Variants in FOXN3 observed in about 807,000 individuals in gnomAD.
The protein encoded by FOXN3 is forkhead box protein N3.
FOXN3 carries 7 observed loss-of-function variants against 38.4 expected under a neutral mutation model. The observed-to-expected ratio is 0.18, with a 90% CI of 0.10 to 0.34. The LOEUF is 0.34. Among genes scored for constraint, FOXN3 ranks in the 10% least tolerant of loss-of-function variants. The pLI is 1.00. For synonymous variants in FOXN3, 230 were observed against 242.2 expected, an observed-to-expected ratio of 0.95 and a Z score of 0.47; for missense variants, 456 against 613.4, an observed-to-expected ratio of 0.74 and a Z score of 2.71.
chr14:89,587,939 A>G (rs1439380090), intron 1 of FOXN3, among the ~76,000 whole-genome samples: 2 of 150,778 alleles, frequency 1.3e-5, no homozygotes, highest in Non-Finnish European at 3.0e-5. Flanking sequence ...CAATGGGCAT[A>G]TGGGGGCTTT....
intron 3 of FOXN3, among the ~76,000 whole-genome samples, chr14:89,317,715 T>C (rs1455868327): frequency 6.6e-6 from 1 of 151,720 alleles, no homozygotes; most frequent in Non-Finnish European, 1.5e-5. Flanking sequence ...TCCCCCCCCA[T>C]AGAAATCCCT....
chr14:89,459,535 G>A (rs1390616734), intron 1 of FOXN3, among the ~76,000 whole-genome samples: 1 of 152,150 alleles, frequency 6.6e-6, no homozygotes, highest in African/African-American at 2.4e-5. Context: ...GACTGGAGCC[G>A]AGATTAGAAT....
At chr14:89,210,163 G>A (rs997064124) in intron 4 of FOXN3, among the ~76,000 whole-genome samples, 1 of 152,196 alleles carries the variant, frequency 6.6e-6, no homozygotes, top group African/African-American at 2.4e-5. Context: ...GTTGGAGGTG[G>A]GGCCTGGCAA....
chr14:89,276,571 C>T (rs977440954), intron 4 of FOXN3, among the ~76,000 whole-genome samples: 1 of 152,028 alleles, frequency 6.6e-6, no homozygotes, highest in Non-Finnish European at 1.5e-5. Context: ...GGCTAGGACT[C>T]GTGGTCTGAC....
In FOXN3 at chr14:89,163,070, C is replaced by T. The variant is rs1198236281; in HGVS notation, c.852-101G>A. 2.6e-6 allele frequency: 3 copies of T among 1,155,246 alleles called. No homozygotes were observed. The highest frequency in any genetic ancestry group is 3.5e-6 in the Non-Finnish European group (3 of 848,868). 71.6% of individuals were successfully genotyped at this position (1,155,246 alleles called of 1,614,324 possible). On this transcript the variant is annotated intron_variant, in intron 5 of 5. Coordinates refer to ENST00000557258, the MANE Select transcript of FOXN3 (RefSeq NM_005197.4). The surrounding 1 kb of genome is among the most constrained non-coding windows in gnomAD (Gnocchi z 4.3). Reference sequence around the variant, plus strand: ...CGGCAGCCCGCCTGCATTCAACCATCAGTCCCTTTGTGTTCAATGGAGCCA... The same window carrying T: ...CGGCAGCCCGCCTGCATTCAACCATTAGTCCCTTTGTGTTCAATGGAGCCA...
intron 1 of FOXN3, among the ~76,000 whole-genome samples, chr14:89,539,437 CCT>C (rs1407490584): frequency 5.3e-5 from 8 of 152,098 alleles, no homozygotes; most frequent in East Asian, 1.9e-4. Context: ...AAAACACTCC[CCT>C]GTTTTTATTT....
intron 1 of FOXN3, among the ~76,000 whole-genome samples, chr14:89,544,506 C>CAA (rs1894848848): frequency 2.0e-5 from 3 of 152,106 alleles, no homozygotes; most frequent in Admixed American, 6.5e-5. Flanking sequence ...ATCAACAAAC[C>CAA]CTTACTAAGG....
intron 4 of FOXN3, among the ~76,000 whole-genome samples, chr14:89,231,963 G>A (rs1307656510): frequency 2.6e-5 from 4 of 152,226 alleles, no homozygotes; most frequent in Non-Finnish European, 5.9e-5. Context: ...AATGGTGCCA[G>A]CAGCCACTGC....
intron 1 of FOXN3, among the ~76,000 whole-genome samples, chr14:89,465,088 G>A (rs777491366): frequency 1.4e-4 from 21 of 152,152 alleles, no homozygotes; most frequent in South Asian, 4.1e-4. Context: ...CCTTGCAGCC[G>A]CCACGTGAAG....
In FOXN3 at chr14:89,168,470, T is replaced by A. The variant is rs73319299; in HGVS notation, c.852-5501A>T. Reference sequence around the variant, plus strand: ...ACATAGCAAGACCCTGCCTCAAAAATAAATTAATTAATCTACACTGAAGGT... The same window carrying A: ...ACATAGCAAGACCCTGCCTCAAAAAAAAATTAATTAATCTACACTGAAGGT... On this transcript the variant is annotated intron_variant, in intron 5 of 5. Coordinates refer to ENST00000557258, the MANE Select transcript of FOXN3 (RefSeq NM_005197.4). Among the ~76,000 whole-genome samples, 678 of 151,880 alleles carry A rather than the reference T, an allele frequency of 4.5e-3. 5 individuals are homozygous for A. The highest frequency in any genetic ancestry group is 0.016 in the African/African-American group (648 of 41,392).
intron 1 of FOXN3, among the ~76,000 whole-genome samples, chr14:89,549,169 C>T (rs2139860279): frequency 6.7e-6 from 1 of 149,762 alleles, no homozygotes; most frequent in African/African-American, 2.5e-5. Context: ...TTTTTAAATG[C>T]TCTTTATTCT....
At chr14:89,551,308 G>C (rs1895001247) in intron 1 of FOXN3, among the ~76,000 whole-genome samples, 2 of 152,186 alleles carry the variant, frequency 1.3e-5, no homozygotes, top group African/African-American at 2.4e-5. Flanking sequence ...TAATTTCCTT[G>C]ATTTCCTGTC....
chr14:89,456,648 C>T (rs926358715), intron 1 of FOXN3, among the ~76,000 whole-genome samples: 13 of 152,212 alleles, frequency 8.5e-5, no homozygotes, highest in East Asian at 5.8e-4. Flanking sequence ...CCCACCTACT[C>T]GGGAGGCTGA....
At chr14:89,584,228 T>G (rs1356622688) in intron 1 of FOXN3, among the ~76,000 whole-genome samples, 2 of 151,984 alleles carry the variant, frequency 1.3e-5, no homozygotes, top group Non-Finnish European at 2.9e-5. Context: ...TGAAACCCCA[T>G]CTTTACTAAA....
intron 1 of FOXN3, among the ~76,000 whole-genome samples, chr14:89,537,441 TTGGATGGATGGATGGATGGA>T (rs10588872): frequency 4.7e-5 from 7 of 149,584 alleles, no homozygotes; most frequent in African/African-American, 1.5e-4. Flanking sequence ...CCATGAAATG[TTGGATGGATGGATGGATGGA>T]TGGATGGATG....
intron 1 of FOXN3, among the ~76,000 whole-genome samples, chr14:89,474,997 G>A (rs758287649): frequency 4.6e-5 from 7 of 151,588 alleles, no homozygotes; most frequent in Admixed American, 2.0e-4. Context: ...TGTATTTTTA[G>A]TAGAGATGGA....
intron 1 of FOXN3, among the ~76,000 whole-genome samples, chr14:89,500,556 C>T (rs1893775104): frequency 6.6e-6 from 1 of 152,188 alleles, no homozygotes; most frequent in Non-Finnish European, 1.5e-5. Flanking sequence ...GGCCAGAAGC[C>T]AAGCTGACCT....
At chr14:89,289,055 G>A (rs1167900449) in intron 3 of FOXN3, among the ~76,000 whole-genome samples, 3 of 151,042 alleles carry the variant, frequency 2.0e-5, no homozygotes, top group African/African-American at 2.4e-5. Context: ...GGTGGTGGGC[G>A]CCTATAACCC....
chr14:89,481,913 G>A (rs1893339458), intron 1 of FOXN3, among the ~76,000 whole-genome samples: 1 of 152,156 alleles, frequency 6.6e-6, no homozygotes, highest in Non-Finnish European at 1.5e-5. Flanking sequence ...AGACTGTATG[G>A]TAATTATATG....
Sources: allele counts gnomAD v4.1 joint callset (sites outside exome capture counted in the v4.1 genomes callset), GRCh38; gene constraint gnomAD v4.1.1; non-coding constraint Gnocchi (gnomAD v3.1); transcripts MANE v1.5; gene names NCBI Gene and HGNC (gene_info 2026-07-23, HGNC 2026-07-21).